The following AK2 variants were observed in gnomAD, a reference collection of about 807,000 sequenced individuals.
AK2 encodes adenylate kinase 2.
Under a neutral mutation model 24.6 loss-of-function variants are expected in AK2, and 15 were observed. That is an observed-to-expected ratio of 0.61 (90% CI 0.41 to 0.94). The LOEUF is 0.94. Ranked by LOEUF, AK2 falls within the 40% of genes least tolerant of loss-of-function variation. The probability of loss-of-function intolerance (pLI) is 0.00; values close to 1 mark genes in which losing one functional copy is unlikely to be tolerated. For synonymous variants in AK2, 102 were observed against 114.0 expected (o/e 0.90, Z 0.67); for missense variants, 257 against 304.1 (o/e 0.85, Z 1.15).
In AK2 at chr1:33,008,333, GCT is replaced by G. The variant is rs1208557115; in HGVS notation, c.*4846_*4847del. 2.2e-6 allele frequency: 1 copy of G among 453,920 alleles called. No homozygotes were observed. The highest frequency in any genetic ancestry group is 4.4e-6 in the Non-Finnish European group (1 of 226,756). The allele number at this position is 453,920 out of a possible 1,614,324, so 28.1% of individuals were successfully genotyped here. On this transcript the variant is annotated 3_prime_UTR_variant, in exon 6 of 6. Transcript: ENST00000672715. Reference sequence around the variant, plus strand: ...GTTGAAATCTGTCTTCTGACTCGTTGCTCTGTCTTCATCTGAGGAAAGACTTG... The same window carrying G: ...GTTGAAATCTGTCTTCTGACTCGTTGCTGTCTTCATCTGAGGAAAGACTTG...
chr1:33,036,708 C>T (rs758937160), intron 1 of AK2, 28 bp downstream of exon 1: 3 of 1,554,028 alleles, frequency 1.9e-6, no homozygotes, highest in African/African-American at 1.4e-5. Flanking sequence ...CAGCAGGCTC[C>T]GCCGCCAAGC....
intron 1 of AK2, among the ~76,000 whole-genome samples, chr1:33,033,347 C>T (rs1430716232): frequency 6.6e-6 from 1 of 151,894 alleles, no homozygotes; most frequent in Non-Finnish European, 1.5e-5. Flanking sequence ...ATGGCAGGAC[C>T]CCCATCTTTA....
At chr1:33,031,683 T>G (rs1278565809) in intron 1 of AK2, 1 of 455,896 alleles carries the variant, frequency 2.2e-6, no homozygotes, top group Non-Finnish European at 4.4e-6. Flanking sequence ...GAAATAAGAG[T>G]GTGGGTCTCA....
chr1:33,013,263 G>C lies in AK2; in HGVS notation c.638C>G (p.Ser213Cys). 1 of 1,613,850 alleles carries C rather than the reference G, an allele frequency of 6.2e-7. No homozygotes were observed. The highest frequency in any genetic ancestry group is 8.5e-7 in the Non-Finnish European group (1 of 1,179,700). Residue 213 changes from serine to cysteine, a missense_variant, in exon 6 of 6, where the codon TCC (serine) becomes TGC (cysteine). Ser to Cys is a moderately radical substitution (Grantham distance 112, BLOSUM62 -1). Coordinates refer to ENST00000672715, the MANE Select transcript of AK2 (RefSeq NM_001625.4). ...KRGIHSAIDA[S>C]QTPDVVFASI... Reference sequence around the variant, plus strand: ...TGCGAACACGACATCGGGGGTCTGGGATGCATCGATGGCGGAGTGGATCCC... The same window carrying C: ...TGCGAACACGACATCGGGGGTCTGGCATGCATCGATGGCGGAGTGGATCCC...
At position 33,021,279 on chromosome 1, in the gene AK2, G is replaced by A. The variant is rs116730792; in HGVS notation, c.425+88C>T. The A allele has an allele frequency of 1.0e-3, 1,213 of 1,168,892 alleles. 2 individuals are homozygous for A. In the African/African-American group the frequency reaches 0.016, roughly 16 times the overall value. 72.4% of individuals were successfully genotyped at this position (1,168,892 alleles called of 1,614,324 possible). A position where few individuals can be genotyped will look rare whatever the true frequency, so the allele number is the denominator to read the frequency against. ...TCAATCCATGTTGAAATGGCACTAA[G>A]CTTCATGGCCGGGATTAGGCAAGAG... On this transcript the variant is annotated intron_variant, in intron 4 of 5. Transcript: ENST00000672715.
At position 33,012,919 on chromosome 1, in the gene AK2, T is replaced by C. The variant is rs1276539593; in HGVS notation, c.*262A>G. On this transcript the variant is annotated 3_prime_UTR_variant, in exon 6 of 6. Coordinates refer to ENST00000672715, the MANE Select transcript of AK2 (RefSeq NM_001625.4). ...TCTCAAAACAACAACAAAAAAGAAG[T>C]AAACAGCTGGTAAAGCAACCTAGCC... 1 of 1,437,010 alleles carries C rather than the reference T, an allele frequency of 7.0e-7. No homozygotes were observed. The highest frequency in any genetic ancestry group is 1.4e-5 in the African/African-American group (1 of 70,940). The allele number at this position is 1,437,010 out of a possible 1,614,324, so 89.0% of individuals were successfully genotyped here.
chr1:33,022,749 A>G (rs1453288167), intron 2 of AK2, among the ~76,000 whole-genome samples: 2 of 152,192 alleles, frequency 1.3e-5, no homozygotes, highest in Non-Finnish European at 2.9e-5. Context: ...TGTTATAGAA[A>G]GAAAAGTCTC....
intron 1 of AK2, 101 bp downstream of exon 1, chr1:33,036,635 T>A: frequency 1.7e-6 from 2 of 1,151,888 alleles, no homozygotes; most frequent in South Asian, 1.3e-5. Context: ...CAGGCCTTAG[T>A]CCCCGGCCCG....
intron 1 of AK2, chr1:33,031,682 G>A (rs1174440482): frequency 2.2e-6 from 1 of 455,930 alleles, no homozygotes; most frequent in African/African-American, 2.0e-5. Context: ...GGAAATAAGA[G>A]TGTGGGTCTC....
At chr1:33,020,411 T>C (rs2124321783) in intron 4 of AK2, among the ~76,000 whole-genome samples, 2 of 152,336 alleles carry the variant, frequency 1.3e-5, no homozygotes, top group East Asian at 3.9e-4. Context: ...AAGCACCTAA[T>C]ATAGGCAAGG....
intron 1 of AK2, among the ~76,000 whole-genome samples, chr1:33,025,188 CAAAA>C (rs386366656): frequency 7.3e-5 from 5 of 68,400 alleles, no homozygotes; most frequent in East Asian, 3.8e-4. Context: ...GACTTCGTCT[CAAAA>C]AAAAAAAAAA....
At position 33,011,018 on chromosome 1, in the gene AK2, C is replaced by T. The variant is rs1458672463; in HGVS notation, c.*2163G>A. The T allele has an allele frequency of 1.3e-5, 13 of 985,282 alleles. No individual in the cohort carries two copies. Among genetic ancestry groups the T allele is most frequent in the Non-Finnish European group, 1.4e-5 (12 of 829,926 alleles). The allele number at this position is 985,282 out of a possible 1,614,324, so 61.0% of individuals were successfully genotyped here. On this transcript the variant is annotated 3_prime_UTR_variant, in exon 6 of 6. Coordinates refer to ENST00000672715, the MANE Select transcript of AK2 (RefSeq NM_001625.4). ...AATTAAATGAAGCAAAAACAGAATCCTAACCATACTGAGAAGGGTATATGC... is the reference window on the plus strand; with the variant it reads ...AATTAAATGAAGCAAAAACAGAATCTTAACCATACTGAGAAGGGTATATGC...
intron 1 of AK2, among the ~76,000 whole-genome samples, chr1:33,027,110 T>TCAAA (rs895056702): frequency 5.9e-5 from 9 of 152,220 alleles, no homozygotes; most frequent in South Asian, 4.2e-4. Flanking sequence ...AGACTACGTC[T>TCAAA]CAAACAAACA....
chr1:33,012,113 G>A lies in AK2; in HGVS notation c.*1068C>T, dbSNP rs906439746. On this transcript the variant is annotated 3_prime_UTR_variant, in exon 6 of 6. Transcript: ENST00000672715. The stretch of plus-strand genomic sequence containing the variant: ...GGGGAAGTAGATTTGACTGCTCTCA[G>A]ATGATCAGCCTGGATGTTCAGAAGA... 4.6e-6 allele frequency: 7 copies of A among 1,535,464 alleles called. No homozygotes were observed. In the African/African-American group the frequency reaches 6.8e-5, roughly 15 times the overall value.
chr1:33,023,635 C>T (rs1639689157), intron 2 of AK2, among the ~76,000 whole-genome samples: 1 of 152,136 alleles, frequency 6.6e-6, no homozygotes, highest in Non-Finnish European at 1.5e-5. Flanking sequence ...TTTGTCACAA[C>T]TGCGAAGTAA....
rs1557601531 is a variant in AK2 at position 33,008,295 on chromosome 1, T to C, written c.*4886A>G. On this transcript the variant is annotated 3_prime_UTR_variant, in exon 6 of 6. Transcript: ENST00000672715. ...GTGAGATAACTTGTCCAAGGTCGCA[T>C]GGTGAAGTCGCTGTTGAAATCTGTC... 6 of 453,936 alleles carry C rather than the reference T, an allele frequency of 1.3e-5. No individual in the cohort carries two copies. Among genetic ancestry groups the C allele is most frequent in the Non-Finnish European group, 2.6e-5 (6 of 226,750 alleles). 28.1% of individuals were successfully genotyped at this position (453,936 alleles called of 1,614,324 possible).
At chr1:33,025,846 A>G (rs1214270889) in intron 1 of AK2, among the ~76,000 whole-genome samples, 24 of 152,242 alleles carry the variant, frequency 1.6e-4, no homozygotes, top group Admixed American at 1.6e-3. Context: ...GGCTGTTACC[A>G]TAACCCCTGT....
chr1:33,010,756 G>A lies in AK2; in HGVS notation c.*2425C>T, dbSNP rs1638768985. The A allele has an allele frequency of 6.2e-7, 1 of 1,614,282 alleles. No homozygotes were observed. Among genetic ancestry groups the A allele is most frequent in the Admixed American group, 1.7e-5 (1 of 60,030 alleles). On this transcript the variant is annotated 3_prime_UTR_variant, in exon 6 of 6. Transcript: ENST00000672715. Reference sequence around the variant, plus strand: ...CTCACCCTGACCACCCTTCCCCTCTGCCCAGCACCTAAGAGCAGGGATCAC... The same window carrying A: ...CTCACCCTGACCACCCTTCCCCTCTACCCAGCACCTAAGAGCAGGGATCAC...
chr1:33,027,695 G>A (rs12409924), intron 1 of AK2, among the ~76,000 whole-genome samples: 12 of 150,434 alleles, frequency 8.0e-5, no homozygotes, highest in Non-Finnish European at 1.3e-4. Context: ...TGCAGTGAGC[G>A]GAGATCGCGC....
Sources: allele counts gnomAD v4.1 joint callset (sites outside exome capture counted in the v4.1 genomes callset), GRCh38; gene constraint gnomAD v4.1.1; transcripts MANE v1.5; gene names NCBI Gene and HGNC (gene_info 2026-07-23, HGNC 2026-07-21).